NEXMIF: variants seen among roughly 807,000 people sequenced by gnomAD.
The protein encoded by NEXMIF is XLMR protein related to neurite extension.
In NEXMIF, 8 loss-of-function variants were observed where a neutral mutation model predicts 62.1. That is an observed-to-expected ratio of 0.13 (90% CI 0.08 to 0.23). The LOEUF is 0.23. Ranked by LOEUF, NEXMIF falls within the 10% of genes least tolerant of loss-of-function variation. The pLI is 1.00. For synonymous variants in NEXMIF, 404 were observed against 416.6 expected, an observed-to-expected ratio of 0.97 and a Z score of 0.37; for missense variants, 976 against 1,113.3, an observed-to-expected ratio of 0.88 and a Z score of 1.75.
At chrX:74,896,821 C>A (rs2147367774) in intron 1 of NEXMIF, among the ~76,000 whole-genome samples, 1 of 111,957 alleles carries the variant, frequency 8.9e-6, no homozygotes, top group Admixed American at 9.5e-5. Context: ...CACACCTCAG[C>A]ACCTTTCCAT....
At chrX:74,837,574 T>C (rs1188549066) in intron 1 of NEXMIF, among the ~76,000 whole-genome samples, 1 of 112,398 alleles carries the variant, frequency 8.9e-6, no homozygotes, top group African/African-American at 3.2e-5. Context: ...GAGTAATGAA[T>C]AGCAGAATAA....
At chrX:74,779,093 G>A (rs749899245) in intron 1 of NEXMIF, among the ~76,000 whole-genome samples, 2 of 112,331 alleles carry the variant, frequency 1.8e-5, no homozygotes, top group Admixed American at 1.9e-4. Context: ...AAGTTCAGAC[G>A]CCATTCACCA....
At position 74,738,857 on chromosome X, in the gene NEXMIF, TACAC is replaced by T. The variant is rs756639327; in HGVS notation, c.*544_*547del. ...GTGTATATATATATATACATATATA[TACAC>T]ACACACACACACACACAAACATATA... On this transcript the variant is annotated 3_prime_UTR_variant, in exon 4 of 4. Coordinates refer to ENST00000055682, the MANE Select transcript of NEXMIF (RefSeq NM_001008537.3). 15 of 105,270 alleles carry T rather than the reference TACAC, an allele frequency of 1.4e-4. No individual in the cohort carries two copies. The highest frequency in any genetic ancestry group is 2.8e-4 in the African/African-American group (8 of 28,991). The allele number at this position is 105,270 out of a possible 1,213,427, so 8.7% of individuals were successfully genotyped here.
intron 1 of NEXMIF, among the ~76,000 whole-genome samples, chrX:74,911,057 C>T (rs1254484576): frequency 1.8e-5 from 2 of 111,940 alleles, no homozygotes; most frequent in East Asian, 5.6e-4. Flanking sequence ...TCCAGGTTCT[C>T]TTCTTAGATT....
At chrX:74,870,292 C>G (rs771984999) in intron 1 of NEXMIF, among the ~76,000 whole-genome samples, 1 of 111,011 alleles carries the variant, frequency 9.0e-6, no homozygotes, top group South Asian at 3.8e-4. Context: ...AACTTGACCC[C>G]CCATCTCTCA....
intron 1 of NEXMIF, among the ~76,000 whole-genome samples, chrX:74,902,761 C>T (rs978244771): frequency 8.9e-6 from 1 of 112,038 alleles, no homozygotes; most frequent in Non-Finnish European, 1.9e-5. Context: ...TGCATTCAGA[C>T]CTGTTTAGGT....
intron 1 of NEXMIF, among the ~76,000 whole-genome samples, chrX:74,853,397 G>A (rs1474831039): frequency 1.9e-5 from 2 of 107,696 alleles, no homozygotes; most frequent in Non-Finnish European, 1.9e-5. Context: ...ACCTGGTGGA[G>A]GCCATGATGC....
At position 74,808,315 on chromosome X, in the gene NEXMIF, G is replaced by A. The variant is rs1370905186; in HGVS notation, c.-47-62618C>T. The stretch of plus-strand genomic sequence containing the variant: ...GCTACTTGGGAGGCTGAGGCAGGAG[G>A]ATCCCTTGAACCCAGGAGTCAGAGG... On this transcript the variant is annotated intron_variant, in intron 1 of 3. Transcript: ENST00000055682. 2.1e-4 allele frequency among the ~76,000 whole-genome samples: 23 copies of A among 110,896 alleles called. No individual in the cohort carries two copies. The Admixed American group carries it at 2.2e-3, about 11-fold the overall frequency.
intron 1 of NEXMIF, among the ~76,000 whole-genome samples, chrX:74,910,253 G>A (rs1376620494): frequency 8.9e-6 from 1 of 112,458 alleles, no homozygotes; most frequent in Non-Finnish European, 1.9e-5. Flanking sequence ...CCACAGAGGT[G>A]GAGCTGCCCA....
At chrX:74,901,532 T>C (rs1391205921) in intron 1 of NEXMIF, among the ~76,000 whole-genome samples, 1 of 112,320 alleles carries the variant, frequency 8.9e-6, no homozygotes, top group African/African-American at 3.2e-5. Flanking sequence ...CCATTATACA[T>C]CTTTCAGTTC....
intron 1 of NEXMIF, among the ~76,000 whole-genome samples, chrX:74,792,877 G>A (rs376307539): frequency 2.0e-5 from 2 of 101,128 alleles, no homozygotes; most frequent in Non-Finnish European, 4.0e-5. Flanking sequence ...GTCTCTGCAC[G>A]TGAGATGGGT....
chrX:74,799,218 TC>T (rs1456822149), intron 1 of NEXMIF, among the ~76,000 whole-genome samples: 9 of 110,813 alleles, frequency 8.1e-5, no homozygotes, highest in Non-Finnish European at 1.7e-4. Context: ...AACTAAGACT[TC>T]CTGTTGAGTG....
At position 74,740,112 on chromosome X, in the gene NEXMIF, A is replaced by G. The variant is rs776659282; in HGVS notation, c.4445T>C (p.Phe1482Ser). The change falls in exon 3 of 4, where the codon TTT becomes TCT. Residue 1482 changes from phenylalanine to serine, a missense_variant. Physicochemically the swap from Phe to Ser is radical, Grantham distance 155. Transcript: ENST00000055682. Reference sequence around the variant, plus strand: ...GGTGCAGTATTACCTCAGTTTTTCAAAAGAAGCTGTCCCAGACTCATCCTT... The same window carrying G: ...GGTGCAGTATTACCTCAGTTTTTCAGAAGAAGCTGTCCCAGACTCATCCTT... ...VHKDESGTAS[F>S]EKLRDSDYNL... 1.7e-5 allele frequency: 20 copies of G among 1,209,678 alleles called. No individual in the cohort carries two copies. In the South Asian group the frequency reaches 3.0e-4, roughly 18 times the overall value.
At chrX:74,788,165 A>G (rs2080266775) in intron 1 of NEXMIF, among the ~76,000 whole-genome samples, 1 of 112,076 alleles carries the variant, frequency 8.9e-6, no homozygotes, top group African/African-American at 3.2e-5. Flanking sequence ...CTGCTACACC[A>G]AAAATTAAAC....
chrX:74,895,258 G>T (rs1602270358), intron 1 of NEXMIF, among the ~76,000 whole-genome samples: 1 of 111,635 alleles, frequency 9.0e-6, no homozygotes, highest in East Asian at 2.8e-4. Flanking sequence ...AACCAAATAA[G>T]TGAAAGTTCT....
At chrX:74,905,273 C>T (rs2147371079) in intron 1 of NEXMIF, among the ~76,000 whole-genome samples, 1 of 110,900 alleles carries the variant, frequency 9.0e-6, no homozygotes, top group South Asian at 3.9e-4. Flanking sequence ...CAGACAAGCT[C>T]TATATATTAT....
chrX:74,820,122 G>A (rs751647293), intron 1 of NEXMIF, among the ~76,000 whole-genome samples: 4 of 110,490 alleles, frequency 3.6e-5, no homozygotes, highest in African/African-American at 1.3e-4. Context: ...TCACTCATAG[G>A]TGGGAAATGG....
At chrX:74,900,410 G>A (rs754797622) in intron 1 of NEXMIF, among the ~76,000 whole-genome samples, 37 of 103,114 alleles carry the variant, frequency 3.6e-4, no homozygotes, top group Non-Finnish European at 6.4e-4. Flanking sequence ...GTTGCAGTGG[G>A]CCAAGATCAT....
chrX:74,878,543 T>C (rs1395299924), intron 1 of NEXMIF, among the ~76,000 whole-genome samples: 1 of 112,663 alleles, frequency 8.9e-6, no homozygotes, highest in East Asian at 2.8e-4. Context: ...GGCTGCTTTG[T>C]TTACCTAAGC....
Sources: gnomAD v4.1 joint callset for allele counts (sites outside exome capture counted in the v4.1 genomes callset) on GRCh38, gnomAD v4.1.1 for gene constraint, MANE v1.5 for transcripts, NCBI Gene and HGNC (gene_info 2026-07-23, HGNC 2026-07-21) for gene names.